TLK1: variants seen among roughly 807,000 people sequenced by gnomAD.
TLK1 encodes tousled like kinase 1.
A neutral mutation model predicts 105.3 loss-of-function variants in TLK1; 24 were observed. The ratio of observed to expected loss-of-function variants is 0.23; its 90% CI spans 0.17 to 0.32. The LOEUF (loss-of-function observed/expected upper bound fraction) is 0.32, where lower values mean the gene tolerates loss of function less well. Among genes scored for constraint, TLK1 ranks in the 10% least tolerant of loss-of-function variants. The probability of loss-of-function intolerance (pLI) is 1.00; values close to 1 mark genes in which losing one functional copy is unlikely to be tolerated. For missense variants in TLK1, 558 were observed against 910.5 expected (o/e 0.61, Z 4.98); for synonymous variants, 321 against 310.4 (o/e 1.03, Z -0.36).
intron 3 of TLK1, among the ~76,000 whole-genome samples, chr2:171,075,247 G>A (rs1294061091): frequency 6.6e-6 from 1 of 151,996 alleles, no homozygotes; most frequent in African/African-American, 2.4e-5. Flanking sequence ...TATAAAACAA[G>A]GTTAAATCAG....
Sources: gnomAD v4.1 joint callset for allele counts (sites outside exome capture counted in the v4.1 genomes callset) on GRCh38, gnomAD v4.1.1 for gene constraint, MANE v1.5 for transcripts, NCBI Gene and HGNC (gene_info 2026-07-23, HGNC 2026-07-21) for gene names.